The following SETBP1 variants were observed in gnomAD, a reference collection of about 807,000 sequenced individuals.
The protein encoded by SETBP1 is SET binding protein 1, also known as SET-binding protein.
Under a neutral mutation model 101.0 loss-of-function variants are expected in SETBP1, and 9 were observed. That is an observed-to-expected ratio of 0.09 (90% CI 0.05 to 0.16). SETBP1 has a LOEUF of 0.16. Ranked by LOEUF, SETBP1 falls within the 10% of genes least tolerant of loss-of-function variation. The pLI is 1.00. For synonymous variants in SETBP1, 818 were observed against 788.5 expected (o/e 1.04, Z -0.63); for missense variants, 1,858 against 2,033.8 (o/e 0.91, Z 1.66).
chr18:44,901,073 A>G (rs1173914561), intron 3 of SETBP1, among the ~76,000 whole-genome samples: 2 of 152,228 alleles, frequency 1.3e-5, no homozygotes, highest in Non-Finnish European at 2.9e-5. Context: ...ATAAAACAGA[A>G]CAAACTGTTT....
chr18:44,688,506 G>A (rs2068874541), intron 1 of SETBP1, among the ~76,000 whole-genome samples: 1 of 144,742 alleles, frequency 6.9e-6, no homozygotes, highest in Admixed American at 7.0e-5. Context: ...ATGAAGTCTT[G>A]TACTGTCACG....
At chr18:45,053,106 G>A (rs992826224) in intron 5 of SETBP1, among the ~76,000 whole-genome samples, 1 of 151,914 alleles carries the variant, frequency 6.6e-6, no homozygotes, top group Non-Finnish European at 1.5e-5. Context: ...TTTAACATGA[G>A]CCAACAGTAG....
intron 2 of SETBP1, among the ~76,000 whole-genome samples, chr18:44,842,982 C>G (rs200762638): frequency 1.3e-5 from 2 of 152,234 alleles, no homozygotes; most frequent in African/African-American, 2.4e-5. Context: ...ATTCTATACA[C>G]GAGGAAAGCC....
chr18:45,040,285 C>G (rs1049941229), intron 5 of SETBP1, among the ~76,000 whole-genome samples: 2 of 152,080 alleles, frequency 1.3e-5, no homozygotes, highest in African/African-American at 4.8e-5. Flanking sequence ...GAAAGTCACA[C>G]AGAAATGCAG....
intron 3 of SETBP1, among the ~76,000 whole-genome samples, chr18:44,924,822 T>C (rs1189220342): frequency 6.6e-6 from 1 of 152,182 alleles, no homozygotes; most frequent in African/African-American, 2.4e-5. Flanking sequence ...TTAAGCTAGA[T>C]ACCCCATTAG....
chr18:45,019,692 A>G (rs1184959234), intron 4 of SETBP1, among the ~76,000 whole-genome samples: 1 of 151,956 alleles, frequency 6.6e-6, no homozygotes, highest in Non-Finnish European at 1.5e-5. Flanking sequence ...TTTTTTTTTC[A>G]ACAGGTTCTG....
At chr18:45,002,122 C>G (rs993095798) in intron 4 of SETBP1, among the ~76,000 whole-genome samples, 1 of 152,268 alleles carries the variant, frequency 6.6e-6, no homozygotes, top group Non-Finnish European at 1.5e-5. Context: ...AGTTCAGTTC[C>G]CTGGCTCCCT....
At chr18:45,058,862 T>A (rs1490340555) in intron 5 of SETBP1, among the ~76,000 whole-genome samples, 2 of 152,182 alleles carry the variant, frequency 1.3e-5, no homozygotes, top group Non-Finnish European at 2.9e-5. Context: ...CACAGAGAAC[T>A]CATTCATGTT....
chr18:44,964,868 T>C (rs1328008165), intron 4 of SETBP1, among the ~76,000 whole-genome samples: 1 of 152,224 alleles, frequency 6.6e-6, no homozygotes, highest in Non-Finnish European at 1.5e-5. Flanking sequence ...CAGTTTTCTC[T>C]TAAGTGTTTT....
At chr18:44,916,728 A>C (rs1006320204) in intron 3 of SETBP1, among the ~76,000 whole-genome samples, 1 of 152,240 alleles carries the variant, frequency 6.6e-6, no homozygotes, top group Non-Finnish European at 1.5e-5. Flanking sequence ...CAGAAAATCT[A>C]TATTTAACTC....
chr18:44,874,379 A>T (rs1461357534), intron 3 of SETBP1, among the ~76,000 whole-genome samples: 1 of 152,194 alleles, frequency 6.6e-6, no homozygotes, highest in Non-Finnish European at 1.5e-5. Flanking sequence ...GGAGGCATTG[A>T]AAGTTTGAGG....
intron 3 of SETBP1, chr18:44,871,513 C>T (rs185711322): frequency 2.0e-5 from 3 of 152,318 alleles, no homozygotes; most frequent in African/African-American, 7.2e-5. Flanking sequence ...GCCCACTTAC[C>T]ACTTGAATGT....
At chr18:44,837,172 A>G (rs533209739) in intron 2 of SETBP1, among the ~76,000 whole-genome samples, 27 of 152,302 alleles carry the variant, frequency 1.8e-4, no homozygotes, top group African/African-American at 6.5e-4. Context: ...CAAGGTGGGC[A>G]GTCTTTGCTA....
At chr18:44,804,902 C>T (rs756882238) in intron 2 of SETBP1, among the ~76,000 whole-genome samples, 10 of 152,096 alleles carry the variant, frequency 6.6e-5, no homozygotes, top group Non-Finnish European at 1.3e-4. Flanking sequence ...AAGGCTTCCA[C>T]TCCTCCAGGC....
At chr18:44,922,090 T>C (rs1299409007) in intron 3 of SETBP1, among the ~76,000 whole-genome samples, 2 of 152,198 alleles carry the variant, frequency 1.3e-5, no homozygotes, top group Non-Finnish European at 2.9e-5. Flanking sequence ...TCCATTTTGG[T>C]TACTTTGCAT....
intron 2 of SETBP1, among the ~76,000 whole-genome samples, chr18:44,860,584 C>T (rs556219588): frequency 1.3e-5 from 2 of 152,082 alleles, no homozygotes; most frequent in South Asian, 2.1e-4. Flanking sequence ...CCTATCTCTA[C>T]TAAAAATGTA....
At chr18:44,720,335 T>G (rs1235734330) in intron 2 of SETBP1, among the ~76,000 whole-genome samples, 1 of 152,210 alleles carries the variant, frequency 6.6e-6, no homozygotes, top group Non-Finnish European at 1.5e-5. Context: ...AGTATTCACA[T>G]GAACATGATT....
chr18:45,036,422 C>A (rs2073399924), intron 4 of SETBP1, among the ~76,000 whole-genome samples: 1 of 151,998 alleles, frequency 6.6e-6, no homozygotes, highest in Non-Finnish European at 1.5e-5. Flanking sequence ...ACCACTGTTA[C>A]CTATTTGGAT....
intron 5 of SETBP1, among the ~76,000 whole-genome samples, chr18:45,051,855 G>C (rs906019194): frequency 6.6e-6 from 1 of 152,114 alleles, no homozygotes; most frequent in African/African-American, 2.4e-5. Context: ...CACAGTACTT[G>C]GTTCTGAGAG....
Sources: allele counts gnomAD v4.1 joint callset (sites outside exome capture counted in the v4.1 genomes callset), GRCh38; gene constraint gnomAD v4.1.1; transcripts MANE v1.5; gene names NCBI Gene and HGNC (gene_info 2026-07-23, HGNC 2026-07-21).